The following SV2C variants were observed in gnomAD, a reference collection of about 807,000 sequenced individuals.
SV2C encodes solute carrier family 22 member B3.
SV2C carries 49 observed loss-of-function variants against 79.7 expected under a neutral mutation model. That is an observed-to-expected ratio of 0.61 (90% CI 0.49 to 0.78). The LOEUF (loss-of-function observed/expected upper bound fraction) is 0.78. Ranked by LOEUF, SV2C falls within the 30% of genes least tolerant of loss-of-function variation. The pLI is 0.00. For missense variants in SV2C, 833 were observed against 912.9 expected, an observed-to-expected ratio of 0.91 and a Z score of 1.13; for synonymous variants, 334 against 333.2, an observed-to-expected ratio of 1.00 and a Z score of -0.03.
At chr5:76,222,908 G>C (rs561363269) in intron 4 of SV2C, among the ~76,000 whole-genome samples, 15 of 152,258 alleles carry the variant, frequency 9.9e-5, no homozygotes, top group Non-Finnish European at 1.8e-4. Flanking sequence ...ACAGATAATG[G>C]AAGATTAGAC....
chr5:76,187,142 T>C (rs1743946404), intron 2 of SV2C, among the ~76,000 whole-genome samples: 1 of 152,150 alleles, frequency 6.6e-6, no homozygotes, highest in Non-Finnish European at 1.5e-5. Flanking sequence ...TTTTAAAAAA[T>C]TGCTTCAAAT....
At chr5:75,990,483 T>A in the SV2C span, among the ~76,000 whole-genome samples, 1 of 151,990 alleles carries the variant, frequency 6.6e-6, no homozygotes, top group Non-Finnish European at 1.5e-5. Context: ...AATCTTTCTT[T>A]CATTACAGAG....
the SV2C span, among the ~76,000 whole-genome samples, chr5:75,867,112 C>T: frequency 6.6e-6 from 1 of 152,130 alleles, no homozygotes; most frequent in East Asian, 1.9e-4. Context: ...CTCCACACCC[C>T]CAGGCTTCTG....
At chr5:76,175,825 C>T (rs1013747099) in intron 2 of SV2C, among the ~76,000 whole-genome samples, 4 of 152,176 alleles carry the variant, frequency 2.6e-5, no homozygotes, top group East Asian at 1.9e-4. Flanking sequence ...TGTGTGTCCC[C>T]GAGAGGTGGA....
At chr5:75,906,244 G>A in the SV2C span, among the ~76,000 whole-genome samples, 5 of 152,258 alleles carry the variant, frequency 3.3e-5, no homozygotes, top group East Asian at 9.7e-4. Context: ...CTCCAGAACT[G>A]TGAGAGAATA....
At chr5:76,061,268 TAAAAA>T in the SV2C span, among the ~76,000 whole-genome samples, 3 of 51,608 alleles carry the variant, frequency 5.8e-5, no homozygotes, top group East Asian at 6.7e-4. Context: ...CTTCAATTTG[TAAAAA>T]AAAAAAAAAA....
At chr5:76,242,369 C>CG (rs1409812382) in intron 4 of SV2C, 2 of 1,078,554 alleles carry the variant, frequency 1.9e-6, no homozygotes, top group African/African-American at 1.6e-5. Context: ...TTGGTCGGAC[C>CG]GGGGGTCGTT....
At chr5:76,033,944 T>C in the SV2C span, among the ~76,000 whole-genome samples, 1 of 152,172 alleles carries the variant, frequency 6.6e-6, no homozygotes, top group East Asian at 1.9e-4. Context: ...TTTGTAGTTC[T>C]CCTTGAAGAG....
intron 3 of SV2C, among the ~76,000 whole-genome samples, chr5:76,197,683 G>T (rs1236897588): frequency 1.9e-5 from 1 of 52,048 alleles, no homozygotes; most frequent in Non-Finnish European, 3.7e-5. Flanking sequence ...CAATAGGAAA[G>T]AATGGATAGA....
intron 1 of SV2C, among the ~76,000 whole-genome samples, chr5:76,105,544 A>G (rs942031477): frequency 6.6e-6 from 1 of 152,144 alleles, no homozygotes; most frequent in African/African-American, 2.4e-5. Context: ...AGTTTATTTA[A>G]TAATTAAAAC....
At chr5:75,870,199 G>A in the SV2C span, among the ~76,000 whole-genome samples, 1 of 152,026 alleles carries the variant, frequency 6.6e-6, no homozygotes, top group African/African-American at 2.4e-5. Context: ...ACAAAGACAT[G>A]TGACTTTTCA....
At chr5:76,201,746 C>T (rs148420479) in intron 3 of SV2C, among the ~76,000 whole-genome samples, 4,350 of 152,088 alleles carry the variant, frequency 0.029, 79 homozygotes, top group Middle Eastern at 0.061. Context: ...AGGCCGGGTA[C>T]GGTGGCTCAT....
chr5:76,112,526 T>A (rs1748126839), intron 1 of SV2C, among the ~76,000 whole-genome samples: 1 of 151,992 alleles, frequency 6.6e-6, no homozygotes, highest in Non-Finnish European at 1.5e-5. Flanking sequence ...AGGTTTTCAG[T>A]AGGGGAGTGA....
chr5:76,264,978 T>C (rs1746603488), intron 4 of SV2C, among the ~76,000 whole-genome samples: 1 of 152,188 alleles, frequency 6.6e-6, no homozygotes, highest in East Asian at 1.9e-4. Context: ...TAGGAGAACC[T>C]TCCTTGTCAG....
the SV2C span, among the ~76,000 whole-genome samples, chr5:76,057,280 C>T: frequency 2.0e-5 from 3 of 152,066 alleles, no homozygotes; most frequent in East Asian, 5.8e-4. Flanking sequence ...GCACAACGTG[C>T]AGGTTTGTTA....
chr5:76,092,785 A>C (rs928922939), intron 1 of SV2C, among the ~76,000 whole-genome samples: 4 of 152,050 alleles, frequency 2.6e-5, no homozygotes, highest in African/African-American at 9.7e-5. Context: ...CCCGCCATAC[A>C]CATATTTATC....
intron 1 of SV2C, among the ~76,000 whole-genome samples, chr5:76,122,089 C>T (rs1160629087): frequency 6.6e-6 from 1 of 151,504 alleles, no homozygotes; most frequent in East Asian, 1.9e-4. Context: ...CCTTCACATC[C>T]CTTGTAAGTT....
At chr5:75,906,590 C>T in the SV2C span, among the ~76,000 whole-genome samples, 3 of 152,126 alleles carry the variant, frequency 2.0e-5, no homozygotes, top group East Asian at 5.8e-4. Context: ...TGCAAGTAAC[C>T]CCCCAAAATC....
chr5:76,273,439 A>C (rs762862753), intron 4 of SV2C, among the ~76,000 whole-genome samples: 1 of 151,334 alleles, frequency 6.6e-6, no homozygotes, highest in Non-Finnish European at 1.5e-5. Context: ...CCCCTCATTC[A>C]CTCTTTGCAT....
Sources: allele counts gnomAD v4.1 joint callset (sites outside exome capture counted in the v4.1 genomes callset), GRCh38; gene constraint gnomAD v4.1.1; transcripts MANE v1.5; gene names NCBI Gene and HGNC (gene_info 2026-07-23, HGNC 2026-07-21).